PCDH10: variants seen among roughly 807,000 people sequenced by gnomAD.
The protein encoded by PCDH10 is protocadherin-10.
A neutral mutation model predicts 74.4 loss-of-function variants in PCDH10; 15 were observed. The observed-to-expected ratio is 0.20, with a 90% CI of 0.13 to 0.31. The LOEUF is 0.31. Among genes scored for constraint, PCDH10 ranks in the 10% least tolerant of loss-of-function variants. The probability of loss-of-function intolerance (pLI) is 1.00; values close to 1 mark genes in which losing one functional copy is unlikely to be tolerated. For synonymous variants in PCDH10, 619 were observed against 589.8 expected (o/e 1.05, Z -0.72); for missense variants, 1,260 against 1,390.2 (o/e 0.91, Z 1.49).
Position 133,151,268 on chromosome 4 carries a change from G to T in PCDH10, c.1128G>T (p.Val376=), listed in dbSNP as rs367564063. 3 of 1,614,060 alleles carry T rather than the reference G, an allele frequency of 1.9e-6. No individual in the cohort carries two copies. In the South Asian group the frequency reaches 3.3e-5, roughly 18 times the overall value. The change falls in exon 1 of 5, where the codon GTG becomes GTT. Residue 376 remains valine, a synonymous_variant. Transcript: ENST00000264360. ...GTGAGGGCGCGGCGCCCGGCACTGTGGTGGCCCTTTTCAGCGTGACTGACC... is the reference window on the plus strand; with the variant it reads ...GTGAGGGCGCGGCGCCCGGCACTGTTGTGGCCCTTTTCAGCGTGACTGACC... ...AVSEGAAPGT[V]VALFSVTDRD... is the part of the protein sequence containing the mutation.
chr4:133,149,922 C>G lies in PCDH10; in HGVS notation c.-219C>G. 2.1e-6 allele frequency: 1 copy of G among 486,766 alleles called. No homozygotes were observed. Among genetic ancestry groups the G allele is most frequent in the East Asian group, 3.3e-5 (1 of 29,964 alleles). The allele number at this position is 486,766 out of a possible 1,614,324, so 30.2% of individuals were successfully genotyped here. On this transcript the variant is annotated 5_prime_UTR_variant, in exon 1 of 5. Transcript: ENST00000264360. ...AGATGAGGAAAGGGGACGCCTGTCA[C>G]CCTTCCTGTGCTAAGATTTAAAAAA... is the stretch of plus-strand genomic sequence containing the variant.
intron 3 of PCDH10, 129 bp downstream of exon 3, chr4:133,155,152 G>A: frequency 1.5e-6 from 1 of 670,574 alleles, no homozygotes; most frequent in Non-Finnish European, 2.7e-6. Context: ...CAGAAAAATA[G>A]TGTCACTCTA....
chr4:133,163,376 T>C, intron 4 of PCDH10, 94 bp downstream of exon 4: 1 of 1,181,412 alleles, frequency 8.5e-7, no homozygotes, highest in Non-Finnish European at 1.2e-6. Context: ...AGTTCAGGTT[T>C]TTTTAAGAAA....
intron 4 of PCDH10, among the ~76,000 whole-genome samples, chr4:133,179,095 G>T (rs998057387): frequency 1.3e-5 from 2 of 152,018 alleles, no homozygotes; most frequent in Non-Finnish European, 2.9e-5. Context: ...TGAGTGCAGT[G>T]TTTTGTTACA....
intron 2 of PCDH10, among the ~76,000 whole-genome samples, chr4:133,206,435 T>C (rs1728005393): frequency 6.6e-6 from 1 of 152,126 alleles, no homozygotes; most frequent in Non-Finnish European, 1.5e-5. Context: ...CTTAATAACA[T>C]TTTTGGTCCT....
In PCDH10 at chr4:133,150,482, C is replaced by T; in HGVS notation, c.342C>T (p.Asp114=). 1 of 1,613,134 alleles carries T rather than the reference C, an allele frequency of 6.2e-7. No individual in the cohort carries two copies. The highest frequency in any genetic ancestry group is 8.5e-7 in the Non-Finnish European group (1 of 1,179,722). Residue 114 remains aspartate (D), a synonymous_variant, in exon 1 of 5, where the codon GAC becomes GAT. Coordinates refer to ENST00000264360, the MANE Select transcript of PCDH10 (RefSeq NM_032961.3). ...TCCAGGTGGAGATCGAGGTGCTGGA[C>T]ATTAATGACAACCCCCCCTCTTTCC... ...ELFQVEIEVL[D]INDNPPSFPE...
chr4:133,179,850 G>GA (rs1352976603), intron 4 of PCDH10, among the ~76,000 whole-genome samples: 5 of 151,994 alleles, frequency 3.3e-5, no homozygotes. Context: ...GTCAATAAAT[G>GA]AAATATTCTG....
chr4:133,174,141 A>G (rs1420292024), intron 4 of PCDH10, among the ~76,000 whole-genome samples: 2 of 152,096 alleles, frequency 1.3e-5, no homozygotes, highest in African/African-American at 2.4e-5. Context: ...GGCAGTTAGT[A>G]TAGAACAGCT....
At chr4:133,157,638 A>G (rs1462394513) in intron 3 of PCDH10, among the ~76,000 whole-genome samples, 1 of 152,198 alleles carries the variant, frequency 6.6e-6, no homozygotes, top group Non-Finnish European at 1.5e-5. Context: ...TCTCTCTTTC[A>G]GTTTGTACCA....
intron 4 of PCDH10, among the ~76,000 whole-genome samples, chr4:133,170,218 T>A (rs1255751468): frequency 6.6e-6 from 1 of 152,094 alleles, no homozygotes; most frequent in Non-Finnish European, 1.5e-5. Flanking sequence ...AACTCGTACC[T>A]TATATAGCAT....
intron 4 of PCDH10, among the ~76,000 whole-genome samples, chr4:133,171,579 G>A (rs1469112059): frequency 6.6e-6 from 1 of 152,058 alleles, no homozygotes; most frequent in Non-Finnish European, 1.5e-5. Flanking sequence ...AGACAAAATA[G>A]ATATAATAAA....
intron 4 of PCDH10, 98 bp downstream of exon 4, chr4:133,163,380 TAAGAAATA>T (rs1727014674): frequency 8.7e-7 from 1 of 1,150,420 alleles, no homozygotes; most frequent in African/African-American, 1.5e-5. Context: ...CAGGTTTTTT[TAAGAAATA>T]AAGATAAAAG....
chr4:133,175,617 A>T (rs1463987415), intron 4 of PCDH10, among the ~76,000 whole-genome samples: 1 of 152,164 alleles, frequency 6.6e-6, no homozygotes. Flanking sequence ...TAAAAATACT[A>T]TCAGAACTCT....
intron 4 of PCDH10, chr4:133,164,058 A>T: frequency 2.2e-6 from 1 of 454,930 alleles, no homozygotes; most frequent in Admixed American, 2.4e-5. Flanking sequence ...AGTGACAACA[A>T]TAGGTGGTGT....
In PCDH10 at chr4:133,152,428, G is replaced by T. The variant is rs774154332; in HGVS notation, c.2288G>T (p.Cys763Phe). Residue 763 changes from cysteine (C) to phenylalanine (F), a missense_variant, in exon 1 of 5, where the codon TGC (cysteine) becomes TTC (phenylalanine). Transcript: ENST00000264360. ...GATTGCTGCCTCTGCTGCTGCTGCT[G>T]CGGTGGCGGAGGTTCGACCTGCTGT... ...ASDCCLCCCC[C>F]GGGGSTCCGR... 1 of 1,614,182 alleles carries T rather than the reference G, an allele frequency of 6.2e-7. No homozygotes were observed. Among genetic ancestry groups the T allele is most frequent in the South Asian group, 1.1e-5 (1 of 91,080 alleles).
At chr4:133,183,123 C>T (rs1727449943) in intron 4 of PCDH10, among the ~76,000 whole-genome samples, 1 of 152,002 alleles carries the variant, frequency 6.6e-6, no homozygotes, top group Admixed American at 6.6e-5. Context: ...GGAGCTAATA[C>T]ACTATCACTA....
At position 133,151,064 on chromosome 4, in the gene PCDH10, C is replaced by A; in HGVS notation, c.924C>A (p.Gly308=). Residue 308 remains glycine (G), a synonymous_variant, in exon 1 of 5, where the codon GGC becomes GGA. Coordinates refer to ENST00000264360, the MANE Select transcript of PCDH10 (RefSeq NM_032961.3). ...RELFGLSPRT[G]RLEVSGELDY... ...TTTTCGGACTCTCGCCGCGCACTGGCAGACTGGAGGTAAGCGGCGAGTTGG... is the reference window on the plus strand; with the variant it reads ...TTTTCGGACTCTCGCCGCGCACTGGAAGACTGGAGGTAAGCGGCGAGTTGG... 2 of 1,614,084 alleles carry A rather than the reference C, an allele frequency of 1.2e-6. No homozygotes were observed. The highest frequency in any genetic ancestry group is 2.2e-5 in the South Asian group (2 of 91,086).
chr4:133,154,467 A>C (rs1283921368), intron 2 of PCDH10, 102 bp downstream of exon 2: 1 of 643,028 alleles, frequency 1.6e-6, no homozygotes, highest in Non-Finnish European at 2.7e-6. Context: ...TGTATAAAAT[A>C]TTTTCAATTA....
intron 4 of PCDH10, among the ~76,000 whole-genome samples, chr4:133,168,970 T>C (rs936461976): frequency 1.1e-4 from 16 of 151,796 alleles, no homozygotes; most frequent in African/African-American, 3.6e-4. Context: ...GCTATTGAAA[T>C]GCACCCAACT....
Sources: gnomAD v4.1 joint callset for allele counts (sites outside exome capture counted in the v4.1 genomes callset) on GRCh38, gnomAD v4.1.1 for gene constraint, MANE v1.5 for transcripts, NCBI Gene and HGNC (gene_info 2026-07-23, HGNC 2026-07-21) for gene names.